Variants in TET3 observed in about 807,000 individuals in gnomAD.
The protein encoded by TET3 is tet methylcytosine dioxygenase 3.
In TET3, 19 loss-of-function variants were observed where a neutral mutation model predicts 141.4. The observed-to-expected ratio is 0.13, with a 90% CI of 0.09 to 0.20. The LOEUF is 0.20. Among genes scored for constraint, TET3 ranks in the 10% least tolerant of loss-of-function variants. The probability of loss-of-function intolerance (pLI) is 1.00; values close to 1 mark genes in which losing one functional copy is unlikely to be tolerated. For missense variants in TET3, 1,874 were observed against 2,356.9 expected, an observed-to-expected ratio of 0.80 and a Z score of 4.24; for synonymous variants, 1,043 against 980.9, an observed-to-expected ratio of 1.06 and a Z score of -1.18.
At chr2:74,005,191 C>G (rs1685090543) in intron 3 of TET3, among the ~76,000 whole-genome samples, 1 of 152,186 alleles carries the variant, frequency 6.6e-6, no homozygotes, top group Non-Finnish European at 1.5e-5. Flanking sequence ...TTTCCGCAGT[C>G]CTGCTGGAAG....
intron 4 of TET3, among the ~76,000 whole-genome samples, chr2:74,050,290 T>C (rs554336832): frequency 6.6e-6 from 1 of 152,346 alleles, no homozygotes; most frequent in East Asian, 1.9e-4. Flanking sequence ...AAAACGATAA[T>C]AGTACCGGCC....
rs1691434975 is a variant in TET3 at position 74,105,328 on chromosome 2, T to G, written c.*3152T>G. The stretch of plus-strand genomic sequence containing the variant: ...GTTCCTTTTCTGCTCTGTTTTGTTT[T>G]CCCTGCCTGTTGCGTGCAAGGGAAG... On this transcript the variant is annotated 3_prime_UTR_variant, in exon 12 of 12. Coordinates refer to ENST00000409262, the MANE Select transcript of TET3 (RefSeq NM_001287491.2). 1 of 398,504 alleles carries G rather than the reference T, an allele frequency of 2.5e-6. No individual in the cohort carries two copies. Among genetic ancestry groups the G allele is most frequent in the Admixed American group, 4.4e-5 (1 of 22,722 alleles). 24.7% of individuals were successfully genotyped at this position (398,504 alleles called of 1,614,324 possible).
chr2:74,132,874 G>A, the TET3 span, among the ~76,000 whole-genome samples: 2 of 151,820 alleles, frequency 1.3e-5, no homozygotes, highest in Non-Finnish European at 2.9e-5. Context: ...TCTGCAATTT[G>A]GCTCTTTTTC....
intron 4 of TET3, among the ~76,000 whole-genome samples, chr2:74,056,259 G>A (rs1688208638): frequency 6.6e-6 from 1 of 152,146 alleles, no homozygotes. Flanking sequence ...AAAGGTGGAA[G>A]GTTCTTTTAG....
the TET3 span, among the ~76,000 whole-genome samples, chr2:74,116,752 A>T: frequency 6.6e-6 from 1 of 152,014 alleles, no homozygotes; most frequent in African/African-American, 2.4e-5. Context: ...TTGTCAATTT[A>T]AAAAAATTAA....
chr2:74,007,467 C>T (rs542339046), intron 3 of TET3, among the ~76,000 whole-genome samples: 8 of 152,280 alleles, frequency 5.3e-5, no homozygotes, highest in African/African-American at 7.2e-5. Flanking sequence ...TTAGATGTTT[C>T]GGATTTGAGA....
At chr2:74,065,608 G>GTCCA (rs1399326216) in intron 4 of TET3, among the ~76,000 whole-genome samples, 4 of 128,262 alleles carry the variant, frequency 3.1e-5, no homozygotes, top group Non-Finnish European at 5.0e-5. Context: ...CCTTCCGTCC[G>GTCCA]TCCGTCCGTC....
intron 2 of TET3, among the ~76,000 whole-genome samples, chr2:73,995,930 C>T (rs28569001): frequency 0.11 from 17,306 of 152,142 alleles, 1,087 homozygotes; most frequent in African/African-American, 0.14. Context: ...AAGGCACGGC[C>T]ATGCTTTACT....
At position 74,099,437 on chromosome 2, in the gene TET3, C is replaced by T. The variant is rs764692139; in HGVS notation, c.3429C>T (p.Thr1143=). Residue 1143 remains threonine, a synonymous_variant, in exon 11 of 12, where the codon ACC becomes ACT. Coordinates refer to ENST00000409262, the MANE Select transcript of TET3 (RefSeq NM_001287491.2). ...KVGSGAIQVL[T]AFPREVRRLP... Reference sequence around the variant, plus strand: ...GCAGCGGAGCCATCCAGGTGCTCACCGCCTTCCCCCGCGAGGTCCGACGCC... The same window carrying T: ...GCAGCGGAGCCATCCAGGTGCTCACTGCCTTCCCCCGCGAGGTCCGACGCC... 5.0e-5 allele frequency: 80 copies of T among 1,613,774 alleles called. No individual in the cohort carries two copies. Among genetic ancestry groups the T allele is most frequent in the East Asian group, 2.7e-4 (12 of 44,892 alleles).
At chr2:74,054,504 C>T (rs1385139429) in intron 4 of TET3, among the ~76,000 whole-genome samples, 1 of 152,142 alleles carries the variant, frequency 6.6e-6, no homozygotes, top group Admixed American at 6.5e-5. Context: ...TCTGTGGGAC[C>T]TGGCAGTGTC....
intron 3 of TET3, among the ~76,000 whole-genome samples, chr2:74,026,968 G>T (rs947926627): frequency 6.6e-6 from 1 of 152,320 alleles, no homozygotes; most frequent in Non-Finnish European, 1.5e-5. Context: ...CTGCAGTGAC[G>T]TGGGAGGTAT....
In TET3 at chr2:74,105,342, G is replaced by A. The variant is rs567789940; in HGVS notation, c.*3166G>A. On this transcript the variant is annotated 3_prime_UTR_variant, in exon 12 of 12. Transcript: ENST00000409262. Reference sequence around the variant, plus strand: ...CTGTTTTGTTTTCCCTGCCTGTTGCGTGCAAGGGAAGTGCTTGTAAAGTTC... The same window carrying A: ...CTGTTTTGTTTTCCCTGCCTGTTGCATGCAAGGGAAGTGCTTGTAAAGTTC... 8.0e-5 allele frequency: 32 copies of A among 398,570 alleles called. No homozygotes were observed. In the South Asian group the frequency reaches 1.5e-3, roughly 19 times the overall value. The allele number at this position is 398,570 out of a possible 1,614,324, so 24.7% of individuals were successfully genotyped here.
intron 4 of TET3, among the ~76,000 whole-genome samples, chr2:74,061,236 C>CG (rs1322672521): frequency 7.1e-6 from 1 of 140,028 alleles, no homozygotes; most frequent in African/African-American, 2.7e-5. Context: ...GCTGGCCGGG[C>CG]GGGGGGCTGA....
intron 3 of TET3, among the ~76,000 whole-genome samples, chr2:74,020,679 A>G (rs1481781398): frequency 2.6e-5 from 4 of 152,282 alleles, no homozygotes; most frequent in African/African-American, 9.6e-5. Context: ...CCCAGGAACA[A>G]GGGAACTCCC....
chr2:74,104,005 G>A lies in TET3; in HGVS notation c.*1829G>A, dbSNP rs968565756. The A allele has an allele frequency of 6.5e-6, 1 of 153,754 alleles. No individual in the cohort carries two copies. Among genetic ancestry groups the A allele is most frequent in the Non-Finnish European group, 1.5e-5 (1 of 68,058 alleles). 9.5% of individuals were successfully genotyped at this position (153,754 alleles called of 1,614,324 possible). On this transcript the variant is annotated 3_prime_UTR_variant, in exon 12 of 12. Coordinates refer to ENST00000409262, the MANE Select transcript of TET3 (RefSeq NM_001287491.2). ...AGAGCTGAGAACCGGCCTGCTGGGT[G>A]TTTACTGTATCTGTTTGGAAGCACT...
At position 74,101,775 on chromosome 2, in the gene TET3, ATCC is replaced by A; in HGVS notation, c.4990_4992del (p.Leu1664del). 1 of 1,613,122 alleles carries A rather than the reference ATCC, an allele frequency of 6.2e-7. No homozygotes were observed. Among genetic ancestry groups the A allele is most frequent in the Non-Finnish European group, 8.5e-7 (1 of 1,179,870 alleles). On this transcript the variant is annotated inframe_deletion, in exon 12 of 12. Transcript: ENST00000409262. The surrounding 1 kb of genome is among the most constrained non-coding windows in gnomAD (Gnocchi z 8.5). The stretch of plus-strand genomic sequence containing the variant: ...GGCCGTGGCCCCAGCCCACGGCTCC[ATCC>A]TCATCGAGTGTGCCCGGCGGGAGCT...
In TET3 at chr2:74,047,658, A is replaced by C. The variant is rs372872964; in HGVS notation, c.1741A>C (p.Lys581Gln). 1.9e-5 allele frequency: 30 copies of C among 1,613,260 alleles called. No individual in the cohort carries two copies. The highest frequency in any genetic ancestry group is 8.8e-5 in the South Asian group (8 of 90,994). Residue 581 changes from lysine to glutamine, a missense_variant, in exon 4 of 12, where the codon AAG (lysine) becomes CAG (glutamine). This residue lies in a region of TET3 where 484 missense variants were observed against 462.2 expected (regional missense o/e 1.05). Coordinates refer to ENST00000409262, the MANE Select transcript of TET3 (RefSeq NM_001287491.2). ...CAGACCACCCAAGGAGAAGAAGAAG[A>C]AGCTCCCAACACCAGCTGGAGGTCC... ...PDRPPKEKKK[K>Q]LPTPAGGPVG...
In TET3 at chr2:74,047,773, C is replaced by T; in HGVS notation, c.1856C>T (p.Pro619Leu). ...IKKSRPREAQ[P>L]LFPPVRQIVL... ...AAGTCCAGGCCCCGGGAAGCACAGC[C>T]CCTCTTCCCACCTGTCCGACAGATT... Residue 619 changes from proline to leucine, a missense_variant, in exon 4 of 12, where the codon CCC becomes CTC. Coordinates refer to ENST00000409262, the MANE Select transcript of TET3 (RefSeq NM_001287491.2). The T allele has an allele frequency of 1.9e-6, 3 of 1,613,814 alleles. No homozygotes were observed. The highest frequency in any genetic ancestry group is 2.5e-6 in the Non-Finnish European group (3 of 1,179,822).
intron 6 of TET3, among the ~76,000 whole-genome samples, chr2:74,080,883 G>A (rs1020173241): frequency 6.6e-5 from 10 of 152,120 alleles, no homozygotes; most frequent in African/African-American, 1.9e-4. Flanking sequence ...CTTCACACTC[G>A]GCTCATCCTG....
Sources: allele counts gnomAD v4.1 joint callset (sites outside exome capture counted in the v4.1 genomes callset), GRCh38; gene constraint gnomAD v4.1.1; regional missense constraint gnomAD v4.1.1; non-coding constraint Gnocchi (gnomAD v3.1); transcripts MANE v1.5; gene names NCBI Gene and HGNC (gene_info 2026-07-23, HGNC 2026-07-21).